The following BATF variants were observed in gnomAD, a reference collection of about 807,000 sequenced individuals.
BATF encodes basic leucine zipper ATF-like transcription factor.
BATF carries 5 observed loss-of-function variants against 13.7 expected under a neutral mutation model. The observed-to-expected ratio is 0.36, with a 90% CI of 0.19 to 0.77. The LOEUF is 0.77. Ranked by LOEUF, BATF falls within the 30% of genes least tolerant of loss-of-function variation. The pLI, the probability that BATF is intolerant of heterozygous loss-of-function variation, is 0.51. For missense variants in BATF, 124 were observed against 163.0 expected (o/e 0.76, Z 1.30); for synonymous variants, 72 against 67.5 (o/e 1.07, Z -0.33).
chr14:75,546,586 C>T lies in BATF; in HGVS notation c.293C>T (p.Ala98Val). ...GAGCCCCTGTGCTCGGTGCTGGCCG[C>T]CAGCACGCCCTCGCCCCCCGAGGTG... is the stretch of plus-strand genomic sequence containing the variant. ...SHEPLCSVLA[A>V]STPSPPEVVY... Residue 98 changes from alanine to valine, a missense_variant, in exon 3 of 3, where the codon GCC becomes GTC. Physicochemically the swap from Ala to Val is moderately conservative, Grantham distance 64. Around this residue, in one of 2 missense-constraint regions of BATF, gnomAD observed 59 missense variants for 49.7 expected, o/e 1.19. Coordinates refer to ENST00000286639, the MANE Select transcript of BATF (RefSeq NM_006399.5). 3.7e-6 allele frequency: 6 copies of T among 1,614,088 alleles called. No homozygotes were observed. The highest frequency in any genetic ancestry group is 1.1e-5 in the South Asian group (1 of 91,078).
chr14:75,538,003 G>A (rs1359146949), intron 2 of BATF, among the ~76,000 whole-genome samples: 1 of 152,002 alleles, frequency 6.6e-6, no homozygotes, highest in Non-Finnish European at 1.5e-5. Flanking sequence ...TCTTTTCCCA[G>A]GCTGGAGTGC....
intron 2 of BATF, among the ~76,000 whole-genome samples, chr14:75,537,180 G>A (rs756257953): frequency 2.6e-5 from 4 of 152,182 alleles, no homozygotes; most frequent in Non-Finnish European, 5.9e-5. Flanking sequence ...GCACGACGAA[G>A]TTCTTAAAGT....
chr14:75,529,980 C>T (rs924410193), intron 2 of BATF, among the ~76,000 whole-genome samples: 5 of 149,202 alleles, frequency 3.4e-5, no homozygotes, highest in Admixed American at 6.8e-5. Flanking sequence ...AGGAGAATGG[C>T]GTGAACCCGG....
intron 2 of BATF, among the ~76,000 whole-genome samples, chr14:75,535,174 C>T (rs891253621): frequency 1.3e-5 from 2 of 152,152 alleles, no homozygotes; most frequent in Non-Finnish European, 2.9e-5. Context: ...AATCCCAATA[C>T]ATACGGAGGC....
chr14:75,541,572 G>A (rs1887897048), intron 2 of BATF, among the ~76,000 whole-genome samples: 1 of 152,168 alleles, frequency 6.6e-6, no homozygotes. Context: ...CAGGGATCTT[G>A]TGTTGTGTTG....
intron 2 of BATF, among the ~76,000 whole-genome samples, chr14:75,529,386 C>A (rs1887699763): frequency 6.6e-6 from 1 of 152,026 alleles, no homozygotes; most frequent in Admixed American, 6.5e-5. Context: ...GTAATCCTAG[C>A]ACTTTGGGAG....
intron 2 of BATF, among the ~76,000 whole-genome samples, chr14:75,545,447 C>G (rs1190893616): frequency 7.2e-6 from 1 of 139,680 alleles, no homozygotes; most frequent in African/African-American, 2.7e-5. Context: ...GTTGGCCAGG[C>G]TGGTCTCGAA....
At chr14:75,534,199 G>A (rs936235922) in intron 2 of BATF, among the ~76,000 whole-genome samples, 2 of 152,094 alleles carry the variant, frequency 1.3e-5, no homozygotes, top group Non-Finnish European at 2.9e-5. Flanking sequence ...AAGAAATGAA[G>A]GTTTAATATT....
At chr14:75,544,561 TCAA>T (rs1887952273) in intron 2 of BATF, among the ~76,000 whole-genome samples, 1 of 12,564 alleles carries the variant, frequency 8.0e-5, no homozygotes, top group Non-Finnish European at 2.1e-4. Flanking sequence ...TGAGACTGTC[TCAA>T]AAAAAAAAAA....
chr14:75,541,704 C>A (rs1380339142), intron 2 of BATF, among the ~76,000 whole-genome samples: 1 of 152,178 alleles, frequency 6.6e-6, no homozygotes, highest in African/African-American at 2.4e-5. Context: ...TGCTGGGTTG[C>A]CCAGGCTGAA....
chr14:75,540,820 T>C (rs1430301022), intron 2 of BATF, among the ~76,000 whole-genome samples: 1 of 152,236 alleles, frequency 6.6e-6, no homozygotes, highest in Admixed American at 6.5e-5. Context: ...CATGGATGAT[T>C]CACGCCTGAA....
At chr14:75,541,655 T>TTTTTG (rs951580851) in intron 2 of BATF, among the ~76,000 whole-genome samples, 2 of 152,108 alleles carry the variant, frequency 1.3e-5, no homozygotes, top group African/African-American at 2.4e-5. Context: ...AGGACTTATT[T>TTTTTG]TTTTGTTTTG....
intron 2 of BATF, among the ~76,000 whole-genome samples, chr14:75,536,165 G>C (rs1887812904): frequency 6.6e-6 from 1 of 152,196 alleles, no homozygotes; most frequent in South Asian, 2.1e-4. Context: ...GACATGTAAA[G>C]TGCTTCAAAG....
At chr14:75,545,184 C>T (rs1297786644) in intron 2 of BATF, among the ~76,000 whole-genome samples, 2 of 152,018 alleles carry the variant, frequency 1.3e-5, no homozygotes, top group Non-Finnish European at 2.9e-5. Flanking sequence ...AACGTTGTAG[C>T]AGACTTTGAC....
intron 2 of BATF, among the ~76,000 whole-genome samples, chr14:75,539,424 ATTTT>A (rs1162218076): frequency 1.9e-4 from 11 of 58,552 alleles, no homozygotes; most frequent in African/African-American, 6.4e-4. Context: ...GTAAGCTGGA[ATTTT>A]TTTTTTTTTT....
At chr14:75,538,911 C>G (rs1215802056) in intron 2 of BATF, among the ~76,000 whole-genome samples, 1 of 151,934 alleles carries the variant, frequency 6.6e-6, no homozygotes, top group Non-Finnish European at 1.5e-5. Flanking sequence ...AAAAAACAAA[C>G]AAACAAACAA....
chr14:75,530,076 AAAAGT>A (rs1376200689), intron 2 of BATF, among the ~76,000 whole-genome samples: 1 of 151,808 alleles, frequency 6.6e-6, no homozygotes, highest in Non-Finnish European at 1.5e-5. Context: ...AAAAAAAAAA[AAAAGT>A]AAAGAAAAAT....
At chr14:75,528,957 C>G (rs1019940571) in intron 2 of BATF, among the ~76,000 whole-genome samples, 2 of 151,998 alleles carry the variant, frequency 1.3e-5, no homozygotes, top group African/African-American at 2.4e-5. Flanking sequence ...AGAGTGTATC[C>G]TAAATGATTT....
intron 2 of BATF, among the ~76,000 whole-genome samples, chr14:75,541,392 T>A (rs1405254763): frequency 6.6e-6 from 1 of 152,226 alleles, no homozygotes; most frequent in African/African-American, 2.4e-5. Flanking sequence ...TATTCCCATT[T>A]ACCGCTGATG....
Sources: allele counts gnomAD v4.1 joint callset (sites outside exome capture counted in the v4.1 genomes callset), GRCh38; gene constraint gnomAD v4.1.1; regional missense constraint gnomAD v4.1.1; transcripts MANE v1.5; gene names NCBI Gene and HGNC (gene_info 2026-07-23, HGNC 2026-07-21).